Variants in APBB2 observed in about 807,000 individuals in gnomAD.
APBB2 encodes Fe65-like 1.
A neutral mutation model predicts 82.5 loss-of-function variants in APBB2; 38 were observed. That is an observed-to-expected ratio of 0.46 (90% CI 0.36 to 0.60). The LOEUF is 0.60. Ranked by LOEUF, APBB2 falls within the 20% of genes least tolerant of loss-of-function variation. The probability of loss-of-function intolerance (pLI) is 0.00; values close to 1 mark genes in which losing one functional copy is unlikely to be tolerated. For synonymous variants in APBB2, 341 were observed against 368.2 expected, an observed-to-expected ratio of 0.93 and a Z score of 0.85; for missense variants, 772 against 972.3, an observed-to-expected ratio of 0.79 and a Z score of 2.74.
chr4:41,081,770 GA>G (rs201151051), intron 3 of APBB2, among the ~76,000 whole-genome samples: 2,749 of 152,198 alleles, frequency 0.018, 48 homozygotes, highest in African/African-American at 0.038. Flanking sequence ...ATCTTAACTT[GA>G]AATTTTTTTA....
intron 1 of APBB2, among the ~76,000 whole-genome samples, chr4:41,213,821 C>G (rs1438762619): frequency 6.6e-6 from 1 of 152,218 alleles, no homozygotes; most frequent in Non-Finnish European, 1.5e-5. Context: ...CTTTTCCCCC[C>G]TTTCATGTCT....
chr4:40,882,745 A>AG (rs1769014615), intron 12 of APBB2, among the ~76,000 whole-genome samples: 1 of 152,148 alleles, frequency 6.6e-6, no homozygotes, highest in Non-Finnish European at 1.5e-5. Context: ...TTTGGAGCTG[A>AG]GGGGACAGCT....
chr4:41,210,568 A>T (rs923832258), intron 1 of APBB2, among the ~76,000 whole-genome samples: 29 of 152,224 alleles, frequency 1.9e-4, no homozygotes, highest in Non-Finnish European at 2.9e-4. Context: ...AACACATTAA[A>T]ATCAAAATGG....
At chr4:40,929,278 T>C (rs926292624) in intron 10 of APBB2, among the ~76,000 whole-genome samples, 11 of 152,126 alleles carry the variant, frequency 7.2e-5, no homozygotes, top group Non-Finnish European at 1.5e-5. Flanking sequence ...GGAAATGTCC[T>C]GTGTCTATGA....
chr4:41,102,593 C>A (rs4861370), intron 2 of APBB2, among the ~76,000 whole-genome samples: 32,661 of 152,176 alleles, frequency 0.21, 3,712 homozygotes, highest in Middle Eastern at 0.24. Flanking sequence ...TATGGTTACA[C>A]AGAATGAACA....
At chr4:41,097,502 A>T (rs1177678184) in intron 3 of APBB2, among the ~76,000 whole-genome samples, 1 of 152,222 alleles carries the variant, frequency 6.6e-6, no homozygotes, top group East Asian at 1.9e-4. Context: ...CTTTCACTAA[A>T]AGTGATGCTG....
intron 10 of APBB2, among the ~76,000 whole-genome samples, chr4:40,916,466 A>T (rs964881419): frequency 2.0e-5 from 3 of 152,190 alleles, no homozygotes; most frequent in Non-Finnish European, 2.9e-5. Context: ...CTGCACATGG[A>T]GATTGGCAAC....
Position 40,830,455 on chromosome 4 carries a change from C to A in APBB2, c.1644+8G>T. 6.2e-7 allele frequency: 1 copy of A among 1,607,822 alleles called. No homozygotes were observed. The highest frequency in any genetic ancestry group is 8.5e-7 in the Non-Finnish European group (1 of 1,174,276). ...AGAGGCGGCCCATACTGCCCTGACC[C>A]ACCTTACCTTGGAGCAGATCTCGTG... On this transcript the variant is annotated splice_region_variant and intron_variant, in intron 13 of 17. Coordinates refer to ENST00000508593, the MANE Select transcript of APBB2 (RefSeq NM_004307.2).
At chr4:41,154,347 A>G (rs1224659719) in intron 1 of APBB2, among the ~76,000 whole-genome samples, 1 of 152,226 alleles carries the variant, frequency 6.6e-6, no homozygotes. Flanking sequence ...ACCTGGCAAT[A>G]GTACAACCAA....
At chr4:40,869,423 G>GATT (rs911170580) in intron 12 of APBB2, among the ~76,000 whole-genome samples, 1 of 150,286 alleles carries the variant, frequency 6.7e-6, no homozygotes, top group Admixed American at 6.6e-5. Context: ...CCATCAATAT[G>GATT]ATTTTTTTTT....
chr4:40,986,514 T>C (rs1800455852), intron 6 of APBB2, among the ~76,000 whole-genome samples: 2 of 152,240 alleles, frequency 1.3e-5, no homozygotes, highest in African/African-American at 4.8e-5. Flanking sequence ...TGCCTGGACA[T>C]TACATTGCTG....
At chr4:40,906,476 AAAAAAAAAAAAAG>A (rs1489764718) in intron 10 of APBB2, among the ~76,000 whole-genome samples, 4 of 150,508 alleles carry the variant, frequency 2.7e-5, no homozygotes, top group South Asian at 2.1e-4. Flanking sequence ...AAAAAAAAAA[AAAAAAAAAAAAAG>A]AAAAGAAAAG....
At chr4:41,046,658 G>A (rs936266909) in intron 4 of APBB2, among the ~76,000 whole-genome samples, 1 of 152,220 alleles carries the variant, frequency 6.6e-6, no homozygotes, top group African/African-American at 2.4e-5. Context: ...ATGGGCCAAG[G>A]AAGATTTTTT....
At chr4:41,083,560 C>G (rs1382349960) in intron 3 of APBB2, among the ~76,000 whole-genome samples, 2 of 151,642 alleles carry the variant, frequency 1.3e-5, no homozygotes, top group Non-Finnish European at 1.5e-5. Context: ...CGGTAGCCCG[C>G]ACCTATAGTC....
intron 6 of APBB2, among the ~76,000 whole-genome samples, chr4:41,008,466 T>A (rs1807404358): frequency 1.3e-5 from 2 of 152,230 alleles, no homozygotes; most frequent in Non-Finnish European, 2.9e-5. Context: ...CATTATTTAT[T>A]TATTAAGCTC....
intron 3 of APBB2, among the ~76,000 whole-genome samples, chr4:41,074,585 T>C (rs1042727442): frequency 6.6e-6 from 1 of 150,666 alleles, no homozygotes; most frequent in African/African-American, 2.4e-5. Flanking sequence ...TTCTACCATA[T>C]GAAGGCAAAT....
At chr4:41,158,290 C>T (rs982092265) in intron 1 of APBB2, among the ~76,000 whole-genome samples, 2 of 152,110 alleles carry the variant, frequency 1.3e-5, no homozygotes, top group Non-Finnish European at 2.9e-5. Flanking sequence ...CATCCATTTC[C>T]CATTAATGAG....
intron 12 of APBB2, among the ~76,000 whole-genome samples, chr4:40,888,945 C>T (rs184034169): frequency 5.2e-5 from 8 of 152,400 alleles, no homozygotes; most frequent in African/African-American, 1.9e-4. Context: ...GGACCTTCCA[C>T]CAAAGTTAAA....
chr4:40,813,745 T>C lies in APBB2; in HGVS notation c.*2347A>G, dbSNP rs567390672. On this transcript the variant is annotated 3_prime_UTR_variant, in exon 18 of 18. Coordinates refer to ENST00000508593, the MANE Select transcript of APBB2 (RefSeq NM_004307.2). ...GCCTTAAAAAATGAAGAGGGAGTTC[T>C]GGTAGAGATTTCCAATATAAAAGTG... 6.6e-6 allele frequency: 1 copy of C among 152,342 alleles called. No homozygotes were observed. The highest frequency in any genetic ancestry group is 2.4e-5 in the African/African-American group (1 of 41,584). The allele number at this position is 152,342 out of a possible 1,614,324, so 9.4% of individuals were successfully genotyped here.
Sources: allele counts gnomAD v4.1 joint callset (sites outside exome capture counted in the v4.1 genomes callset), GRCh38; gene constraint gnomAD v4.1.1; transcripts MANE v1.5; gene names NCBI Gene and HGNC (gene_info 2026-07-23, HGNC 2026-07-21).